The following BMP5 variants were observed in gnomAD, a reference collection of about 807,000 sequenced individuals.
The protein encoded by BMP5 is bone morphogenetic protein 5.
A neutral mutation model predicts 46.6 loss-of-function variants in BMP5; 23 were observed. The ratio of observed to expected loss-of-function variants is 0.49; its 90% CI spans 0.35 to 0.70. The LOEUF (loss-of-function observed/expected upper bound fraction) is 0.70, where lower values mean the gene tolerates loss of function less well. BMP5 is among the 30% of genes least tolerant of loss of function. The pLI, the probability that BMP5 is intolerant of heterozygous loss-of-function variation, is 0.00. For missense variants in BMP5, 545 were observed against 565.6 expected (o/e 0.96, Z 0.37); for synonymous variants, 204 against 191.9 (o/e 1.06, Z -0.52).
intron 1 of BMP5, among the ~76,000 whole-genome samples, chr6:55,865,879 T>C (rs928959031): frequency 1.3e-5 from 2 of 152,158 alleles, no homozygotes; most frequent in Non-Finnish European, 2.9e-5. Flanking sequence ...TGAAATGGTT[T>C]GCTCAAGGAT....
rs200061411 is a variant in BMP5 at position 55,874,913 on chromosome 6, TAAAA to T, written c.-52_-49del. On this transcript the variant is annotated 5_prime_UTR_variant, in exon 1 of 7. Coordinates refer to ENST00000370830, the MANE Select transcript of BMP5 (RefSeq NM_021073.4). ...ATATTTTTAGTCCTTCTTGTCCTCT[TAAAA>T]AAAAAAAAAACCTAAGGTTCTAGGA... 2.2e-6 allele frequency: 3 copies of T among 1,383,098 alleles called. No individual in the cohort carries two copies. Among genetic ancestry groups the T allele is most frequent in the Non-Finnish European group, 3.0e-6 (3 of 1,015,954 alleles). 85.7% of individuals were successfully genotyped at this position (1,383,098 alleles called of 1,614,324 possible). A position where few individuals can be genotyped will look rare whatever the true frequency, so the allele number is the denominator to read the frequency against.
intron 2 of BMP5, among the ~76,000 whole-genome samples, chr6:55,801,440 T>C (rs1252513853): frequency 6.6e-6 from 1 of 152,218 alleles, no homozygotes; most frequent in African/African-American, 2.4e-5. Context: ...AGTTGGAGAC[T>C]TGGAGGTAGG....
At chr6:55,805,071 C>A (rs1041287774) in intron 2 of BMP5, among the ~76,000 whole-genome samples, 2 of 152,072 alleles carry the variant, frequency 1.3e-5, no homozygotes, top group East Asian at 3.9e-4. Flanking sequence ...AACTAATATG[C>A]ACTGGATGGG....
chr6:55,843,411 T>C (rs1262363658), intron 1 of BMP5, among the ~76,000 whole-genome samples: 1 of 152,022 alleles, frequency 6.6e-6, no homozygotes, highest in Non-Finnish European at 1.5e-5. Flanking sequence ...GGGATCTCAG[T>C]TTTCAAATAC....
chr6:55,773,995 A>G, intron 4 of BMP5, 54 bp downstream of exon 4: 3 of 1,580,302 alleles, frequency 1.9e-6, no homozygotes, highest in Middle Eastern at 2.2e-4. Context: ...CTTGATTTGC[A>G]GCATACGACC....
chr6:55,855,105 T>A (rs1454916144), intron 1 of BMP5, among the ~76,000 whole-genome samples: 1 of 152,180 alleles, frequency 6.6e-6, no homozygotes, highest in Non-Finnish European at 1.5e-5. Flanking sequence ...CCAATATTGT[T>A]TACCTATTTA....
At chr6:55,777,291 T>G (rs762578954) in intron 3 of BMP5, among the ~76,000 whole-genome samples, 16 of 151,986 alleles carry the variant, frequency 1.1e-4, no homozygotes, top group Admixed American at 2.0e-4. Flanking sequence ...AAATTCTTTA[T>G]AAAACTTTAT....
intron 1 of BMP5, among the ~76,000 whole-genome samples, chr6:55,822,061 T>C (rs2127539388): frequency 6.6e-6 from 1 of 152,270 alleles, no homozygotes; most frequent in African/African-American, 2.4e-5. Context: ...GCCTACAAGG[T>C]AGGTTCTCTT....
chr6:55,838,812 T>C (rs1038764060), intron 1 of BMP5, among the ~76,000 whole-genome samples: 7 of 152,354 alleles, frequency 4.6e-5, no homozygotes, highest in African/African-American at 1.7e-4. Flanking sequence ...CATGCTTATC[T>C]AGAACAATTA....
intron 4 of BMP5, among the ~76,000 whole-genome samples, chr6:55,773,408 T>C (rs1022032029): frequency 3.3e-5 from 5 of 151,954 alleles, no homozygotes; most frequent in Non-Finnish European, 7.4e-5. Context: ...TGCTTTCTGA[T>C]CAATTGAAAT....
At chr6:55,841,916 C>CAGAGAGAGAGAGAG (rs143400522) in intron 1 of BMP5, among the ~76,000 whole-genome samples, 1,816 of 146,882 alleles carry the variant, frequency 0.012, 47 homozygotes, top group African/African-American at 0.043. Context: ...GAGAGAGAGA[C>CAGAGAGAGAGAGAG]AGAGAGAGAG....
At position 55,754,608 on chromosome 6, in the gene BMP5, T is replaced by C. The variant is rs1435853821; in HGVS notation, c.*925A>G. 6.6e-6 allele frequency: 1 copy of C among 151,828 alleles called. No homozygotes were observed. Among genetic ancestry groups the C allele is most frequent in the African/African-American group, 2.4e-5 (1 of 41,386 alleles). 9.4% of individuals were successfully genotyped at this position (151,828 alleles called of 1,614,324 possible). A position where few individuals can be genotyped will look rare whatever the true frequency, so the allele number is the denominator to read the frequency against. ...AGTTATAAAGGAGAGCTAAAGAAAA[T>C]GGTTCTTTCGGCATCTTCTGCTCTT... On this transcript the variant is annotated 3_prime_UTR_variant, in exon 7 of 7. Coordinates refer to ENST00000370830, the MANE Select transcript of BMP5 (RefSeq NM_021073.4).
intron 4 of BMP5, among the ~76,000 whole-genome samples, chr6:55,767,728 C>T (rs920739785): frequency 6.6e-6 from 1 of 151,960 alleles, no homozygotes; most frequent in Non-Finnish European, 1.5e-5. Flanking sequence ...GAAATATTCT[C>T]ACTTGTGCAG....
intron 1 of BMP5, among the ~76,000 whole-genome samples, chr6:55,844,123 T>C (rs552011491): frequency 2.0e-5 from 3 of 152,128 alleles, no homozygotes; most frequent in African/African-American, 7.2e-5. Flanking sequence ...ATATTATTTA[T>C]CCTAACACAG....
chr6:55,773,569 A>G (rs1324794707), intron 4 of BMP5, among the ~76,000 whole-genome samples: 1 of 151,750 alleles, frequency 6.6e-6, no homozygotes, highest in Non-Finnish European at 1.5e-5. Flanking sequence ...CCTCCAAATA[A>G]TGAAAAGGTA....
chr6:55,874,913 T>TAAAAAA lies in BMP5; in HGVS notation c.-54_-49dup. On this transcript the variant is annotated 5_prime_UTR_variant, in exon 1 of 7. Transcript: ENST00000370830. Reference sequence around the variant, plus strand: ...ATATTTTTAGTCCTTCTTGTCCTCTTAAAAAAAAAAAAAACCTAAGGTTCT... The same window carrying TAAAAAA: ...ATATTTTTAGTCCTTCTTGTCCTCTTAAAAAAAAAAAAAAAAAAAACCTAAGGTTCT... The TAAAAAA allele has an allele frequency of 7.2e-7, 1 of 1,382,424 alleles. No individual in the cohort carries two copies. Among genetic ancestry groups the TAAAAAA allele is most frequent in the Admixed American group, 2.3e-5 (1 of 43,538 alleles). The allele number at this position is 1,382,424 out of a possible 1,614,324, so 85.6% of individuals were successfully genotyped here.
At chr6:55,775,092 T>C (rs1457480740) in intron 3 of BMP5, among the ~76,000 whole-genome samples, 1 of 151,936 alleles carries the variant, frequency 6.6e-6, no homozygotes, top group Admixed American at 6.6e-5. Flanking sequence ...CAGACCCTTA[T>C]GTGTTCTTTG....
At chr6:55,839,319 T>A (rs1309534829) in intron 1 of BMP5, among the ~76,000 whole-genome samples, 1 of 152,112 alleles carries the variant, frequency 6.6e-6, no homozygotes, top group Non-Finnish European at 1.5e-5. Flanking sequence ...TATTTATTCA[T>A]CATTTATTAT....
chr6:55,820,657 AT>A (rs2127538855), intron 1 of BMP5, among the ~76,000 whole-genome samples: 1 of 152,194 alleles, frequency 6.6e-6, no homozygotes, highest in South Asian at 2.1e-4. Flanking sequence ...GGCTCAAGCA[AT>A]CCTCCCAATT....
Sources: gnomAD v4.1 joint callset for allele counts (sites outside exome capture counted in the v4.1 genomes callset) on GRCh38, gnomAD v4.1.1 for gene constraint, MANE v1.5 for transcripts, NCBI Gene and HGNC (gene_info 2026-07-23, HGNC 2026-07-21) for gene names.